Variants in FBXL17 observed in about 807,000 individuals in gnomAD.
FBXL17 encodes the protein F-box and leucine rich repeat protein 17, also known as F-box/LRR-repeat protein 17.
In FBXL17, 22 loss-of-function variants were observed where a neutral mutation model predicts 66.2. The observed-to-expected ratio is 0.33, with a 90% CI of 0.24 to 0.47. The LOEUF (loss-of-function observed/expected upper bound fraction) is 0.47. Ranked by LOEUF, FBXL17 falls within the 20% of genes least tolerant of loss-of-function variation. FBXL17 has a pLI of 1.00. For synonymous variants in FBXL17, 474 were observed against 400.5 expected, an observed-to-expected ratio of 1.18 and a Z score of -2.19; for missense variants, 878 against 948.2, an observed-to-expected ratio of 0.93 and a Z score of 0.97.
chr5:107,861,625 G>A lies in FBXL17; in HGVS notation c.*95C>T, dbSNP rs1200863795. On this transcript the variant is annotated 3_prime_UTR_variant, in exon 9 of 9. Transcript: ENST00000542267. ...CATACTTGAACACACACAGACAGGT[G>A]ACAGTTAAAACCCTTCCGAGAGATC... 1 of 1,177,622 alleles carries A rather than the reference G, an allele frequency of 8.5e-7. No homozygotes were observed. The allele number at this position is 1,177,622 out of a possible 1,614,324, so 72.9% of individuals were successfully genotyped here.
intron 7 of FBXL17, among the ~76,000 whole-genome samples, chr5:107,938,058 A>G (rs1359958913): frequency 6.6e-6 from 1 of 152,182 alleles, no homozygotes; most frequent in Non-Finnish European, 1.5e-5. Flanking sequence ...AAACACTGAG[A>G]GAGGAGCACA....
intron 3 of FBXL17, among the ~76,000 whole-genome samples, chr5:108,361,021 T>A (rs1277925133): frequency 2.6e-5 from 4 of 152,140 alleles, no homozygotes; most frequent in Admixed American, 2.0e-4. Flanking sequence ...TTCCTTTATG[T>A]CTTTGAGCAT....
intron 6 of FBXL17, among the ~76,000 whole-genome samples, chr5:108,136,900 A>T (rs967015727): frequency 1.3e-5 from 2 of 152,170 alleles, no homozygotes; most frequent in African/African-American, 4.8e-5. Flanking sequence ...TTGAAACCAG[A>T]TTTTAACTTA....
At chr5:108,174,063 C>T (rs1752702968) in intron 6 of FBXL17, among the ~76,000 whole-genome samples, 1 of 152,104 alleles carries the variant, frequency 6.6e-6, no homozygotes, top group East Asian at 1.9e-4. Flanking sequence ...TGCCAGTAGC[C>T]AATATCACCT....
intron 6 of FBXL17, among the ~76,000 whole-genome samples, chr5:108,085,571 T>C (rs1748936152): frequency 1.3e-5 from 2 of 152,220 alleles, no homozygotes; most frequent in Admixed American, 1.3e-4. Flanking sequence ...GCCTGAACAC[T>C]GTGTGCCGTT....
chr5:108,364,323 A>G (rs897415616), intron 3 of FBXL17, among the ~76,000 whole-genome samples: 1 of 152,028 alleles, frequency 6.6e-6, no homozygotes, highest in African/African-American at 2.4e-5. Flanking sequence ...TAACTTTTAT[A>G]ATCTTCAATT....
chr5:108,242,236 C>T (rs915193784), intron 4 of FBXL17, among the ~76,000 whole-genome samples: 1 of 152,008 alleles, frequency 6.6e-6, no homozygotes, highest in Non-Finnish European at 1.5e-5. Flanking sequence ...ATAGATAGTA[C>T]AATAAGAGAG....
intron 6 of FBXL17, among the ~76,000 whole-genome samples, chr5:108,044,299 T>C (rs1189643935): frequency 6.6e-6 from 1 of 152,172 alleles, no homozygotes; most frequent in South Asian, 2.1e-4. Flanking sequence ...TCATTAACTA[T>C]AATGTCAGTG....
Position 108,307,678 on chromosome 5 carries a change from T to C in FBXL17, c.1506+40721A>G, listed in dbSNP as rs146216058. Among the ~76,000 whole-genome samples the C allele has an allele frequency of 1.2e-3, 182 of 152,190 alleles. 2 individuals are homozygous for C. The highest frequency in any genetic ancestry group is 4.2e-3 in the African/African-American group (176 of 41,534). ...ACATATATATTGCTATTACTGATAG[T>C]TGATCTTTGCACAAAGGTACTTTGC... On this transcript the variant is annotated intron_variant, in intron 4 of 8. Coordinates refer to ENST00000542267, the MANE Select transcript of FBXL17 (RefSeq NM_001163315.3).
chr5:108,337,580 G>T (rs996089188), intron 4 of FBXL17, among the ~76,000 whole-genome samples: 2 of 151,810 alleles, frequency 1.3e-5, no homozygotes, highest in African/African-American at 4.8e-5. Context: ...CAGAATACAG[G>T]AAAGTAAAAA....
At chr5:107,985,550 A>C (rs776118472) in intron 7 of FBXL17, among the ~76,000 whole-genome samples, 1 of 152,210 alleles carries the variant, frequency 6.6e-6, no homozygotes, top group Non-Finnish European at 1.5e-5. Context: ...ACCTTCTTAA[A>C]TTAGTCTCTT....
chr5:108,209,081 T>C (rs779840008), intron 5 of FBXL17, among the ~76,000 whole-genome samples: 1 of 152,230 alleles, frequency 6.6e-6, no homozygotes, highest in Non-Finnish European at 1.5e-5. Context: ...CAATTGCGAA[T>C]GTGAGTTCAC....
chr5:108,374,726 G>C (rs894609333), intron 1 of FBXL17, among the ~76,000 whole-genome samples: 1 of 151,474 alleles, frequency 6.6e-6, no homozygotes, highest in African/African-American at 2.4e-5. Context: ...AAAGAGGAGG[G>C]GAAATCACTA....
chr5:108,381,014 G>A lies in FBXL17; in HGVS notation c.678C>T (p.Gly226=), dbSNP rs956267468. The change falls in exon 1 of 9, where the codon GGC becomes GGT. Residue 226 remains glycine (G), a synonymous_variant. Coordinates refer to ENST00000542267, the MANE Select transcript of FBXL17 (RefSeq NM_001163315.3). ...CCCCCGCAGGCCCTCCCCCGCCACC[G>A]CCGCCGCCGCCGCCGCCGCAGCCCC... ...GGGGCGGGGG[G]GGGGGPAGGG... is the part of the protein sequence containing the mutation. 9.1e-5 allele frequency: 85 copies of A among 936,028 alleles called. No homozygotes were observed. The highest frequency in any genetic ancestry group is 2.5e-4 in the East Asian group (5 of 19,930). 58.0% of individuals were successfully genotyped at this position (936,028 alleles called of 1,614,324 possible).
intron 4 of FBXL17, among the ~76,000 whole-genome samples, chr5:108,295,706 T>G (rs1758318770): frequency 6.6e-6 from 1 of 151,996 alleles, no homozygotes; most frequent in Non-Finnish European, 1.5e-5. Flanking sequence ...ATCCAATTGC[T>G]AATAGAGCTC....
intron 6 of FBXL17, among the ~76,000 whole-genome samples, chr5:108,032,425 AT>A (rs563384158): frequency 8.0e-4 from 122 of 152,226 alleles, no homozygotes; most frequent in African/African-American, 2.9e-3. Context: ...GAGCCAATAA[AT>A]GTTACCTTCC....
intron 6 of FBXL17, among the ~76,000 whole-genome samples, chr5:108,081,643 A>C (rs565362602): frequency 1.6e-4 from 25 of 152,266 alleles, no homozygotes; most frequent in African/African-American, 5.8e-4. Flanking sequence ...GAATGGCGTG[A>C]ACCCGGGAGG....
intron 4 of FBXL17, among the ~76,000 whole-genome samples, chr5:108,281,336 T>A (rs1757694091): frequency 6.6e-6 from 1 of 151,768 alleles, no homozygotes; most frequent in Non-Finnish European, 1.5e-5. Context: ...CACAGTAGAA[T>A]AAAACTAGAA....
chr5:108,080,911 A>C (rs375785173), intron 6 of FBXL17, among the ~76,000 whole-genome samples: 8 of 152,330 alleles, frequency 5.3e-5, no homozygotes, highest in African/African-American at 1.9e-4. Flanking sequence ...AGACCTAAAA[A>C]GGTGCCAGAC....
Sources: allele counts gnomAD v4.1 joint callset (sites outside exome capture counted in the v4.1 genomes callset), GRCh38; gene constraint gnomAD v4.1.1; transcripts MANE v1.5; gene names NCBI Gene and HGNC (gene_info 2026-07-23, HGNC 2026-07-21).